The following NRG3 variants were observed in gnomAD, a reference collection of about 807,000 sequenced individuals.
NRG3 encodes the protein neuregulin 3.
In NRG3, 31 loss-of-function variants were observed where a neutral mutation model predicts 66.9. That is an observed-to-expected ratio of 0.46 (90% confidence interval 0.35 to 0.63). NRG3 has a LOEUF of 0.63. NRG3 is among the 20% of genes least tolerant of loss of function. NRG3 has a pLI of 0.00. For missense variants in NRG3, 910 were observed against 878.9 expected (o/e 1.04, Z -0.45); for synonymous variants, 393 against 359.4 (o/e 1.09, Z -1.06).
chr10:81,993,111 G>C (rs1468880763), intron 1 of NRG3, among the ~76,000 whole-genome samples: 1 of 152,094 alleles, frequency 6.6e-6, no homozygotes, highest in Non-Finnish European at 1.5e-5. Flanking sequence ...GACTAAGAAT[G>C]ATTGATATCA....
chr10:82,017,400 C>T (rs1219557835), intron 1 of NRG3, among the ~76,000 whole-genome samples: 6 of 152,122 alleles, frequency 3.9e-5, no homozygotes, highest in South Asian at 2.1e-4. Context: ...AATAAACATA[C>T]GTGTGCATGT....
intron 1 of NRG3, among the ~76,000 whole-genome samples, chr10:82,328,477 A>G (rs999561239): frequency 6.6e-6 from 1 of 152,222 alleles, no homozygotes; most frequent in Admixed American, 6.5e-5. Context: ...TAGCATAGCC[A>G]TCATAATTCA....
At chr10:82,065,762 A>T (rs1417323026) in intron 1 of NRG3, among the ~76,000 whole-genome samples, 1 of 152,182 alleles carries the variant, frequency 6.6e-6, no homozygotes, top group Non-Finnish European at 1.5e-5. Flanking sequence ...AATTTCGCTG[A>T]ACAGATTCAT....
intron 2 of NRG3, among the ~76,000 whole-genome samples, chr10:82,361,219 C>G (rs1235667864): frequency 6.6e-6 from 1 of 152,128 alleles, no homozygotes; most frequent in African/African-American, 2.4e-5. Context: ...AAATGATGTA[C>G]ATATTTAATA....
At chr10:81,972,307 C>T (rs1373986935) in intron 1 of NRG3, among the ~76,000 whole-genome samples, 1 of 152,120 alleles carries the variant, frequency 6.6e-6, no homozygotes, top group Non-Finnish European at 1.5e-5. Context: ...CCAATCAAAA[C>T]TAACCAAGTA....
chr10:82,943,606 C>G (rs1033182048), intron 4 of NRG3, among the ~76,000 whole-genome samples: 2 of 152,212 alleles, frequency 1.3e-5, no homozygotes, highest in African/African-American at 4.8e-5. Flanking sequence ...TGCATTTTCT[C>G]TCATTTTGTT....
intron 2 of NRG3, among the ~76,000 whole-genome samples, chr10:82,634,468 C>T (rs1043722377): frequency 2.6e-5 from 4 of 152,124 alleles, no homozygotes; most frequent in African/African-American, 9.7e-5. Context: ...TTAAAAATAG[C>T]ATGTCTAGTT....
chr10:82,711,896 C>A (rs78430568), intron 2 of NRG3, among the ~76,000 whole-genome samples: 1,644 of 152,256 alleles, frequency 0.011, 30 homozygotes, highest in African/African-American at 0.038. Context: ...TCACACACAC[C>A]TGCAGACACA....
chr10:82,659,379 T>C (rs2052133930), intron 2 of NRG3, among the ~76,000 whole-genome samples: 1 of 152,202 alleles, frequency 6.6e-6, no homozygotes, highest in Non-Finnish European at 1.5e-5. Context: ...TATTCTAGGC[T>C]GGGCATGGTG....
In NRG3 at chr10:82,417,781, G is replaced by A. The variant is rs540267202; in HGVS notation, c.953+58913G>A. Among the ~76,000 whole-genome samples the A allele has an allele frequency of 2.6e-5, 4 of 152,280 alleles. No homozygotes were observed. The South Asian group carries it at 8.3e-4, about 32-fold the overall frequency. ...TATCACCGCGAAGCCCAGCCTCAGC[G>A]AGCAAGGGAAGGAGCTAGAGAGCGG... On this transcript the variant is annotated intron_variant, in intron 2 of 8. Coordinates refer to ENST00000372141, the MANE Select transcript of NRG3 (RefSeq NM_001010848.4).
intron 3 of NRG3, among the ~76,000 whole-genome samples, chr10:82,843,779 G>T (rs983365082): frequency 4.6e-5 from 7 of 152,112 alleles, no homozygotes; most frequent in African/African-American, 1.7e-4. Context: ...AAGTTAAAAA[G>T]TAGCAATATT....
In NRG3 at chr10:82,973,737, C is replaced by T. The variant is rs41293050; in HGVS notation, c.1285-51C>T. On this transcript the variant is annotated intron_variant, in intron 6 of 8. Coordinates refer to ENST00000372141, the MANE Select transcript of NRG3 (RefSeq NM_001010848.4). ...CAATGCTTAGCTCTGGTGTTATAGG[C>T]CCTCCATAATGTATCCTTCGTCTCA... 8.7e-3 allele frequency: 13,896 copies of T among 1,605,960 alleles called. 88 individuals carry two copies. Among genetic ancestry groups the T allele is most frequent in the Non-Finnish European group, 1.0e-2 (11,729 of 1,173,308 alleles).
intron 2 of NRG3, among the ~76,000 whole-genome samples, chr10:82,729,530 G>A (rs34290487): frequency 0.06 from 9,169 of 152,122 alleles, 390 homozygotes; most frequent in Non-Finnish European, 0.091. Context: ...GGAGAACATC[G>A]CTATGCACCC....
intron 2 of NRG3, among the ~76,000 whole-genome samples, chr10:82,421,427 C>A (rs905999367): frequency 6.6e-6 from 1 of 151,794 alleles, no homozygotes; most frequent in Non-Finnish European, 1.5e-5. Flanking sequence ...AAAGTCTATG[C>A]GGCAACAATG....
Position 82,085,082 on chromosome 10 carries a change from C to T in NRG3, c.823+208919C>T, listed in dbSNP as rs1477751467. Among the ~76,000 whole-genome samples, 8 of 152,090 alleles carry T rather than the reference C, an allele frequency of 5.3e-5. No homozygotes were observed. The East Asian group carries it at 9.7e-4, about 18-fold the overall frequency. ...GTCAATGGAAGAGAACCAAAGCACTCGCTATTACAAAGGGGCCTCTAGTGG... is the reference window on the plus strand; with the variant it reads ...GTCAATGGAAGAGAACCAAAGCACTTGCTATTACAAAGGGGCCTCTAGTGG... On this transcript the variant is annotated intron_variant, in intron 1 of 8. Transcript: ENST00000372141.
chr10:81,927,342 A>C (rs1564664108), intron 1 of NRG3, among the ~76,000 whole-genome samples: 1 of 152,136 alleles, frequency 6.6e-6, no homozygotes, highest in Non-Finnish European at 1.5e-5. Context: ...GTCGTAGTCT[A>C]AATATCCACC....
In NRG3 at chr10:82,175,779, T is replaced by C. The variant is rs2072987763; in HGVS notation, c.824-182960T>C. ...GTCAGGTAATCTGTGCATAGAATTATTGGCTAAGTTGCTCATGCCAAAAAA... is the reference window on the plus strand; with the variant it reads ...GTCAGGTAATCTGTGCATAGAATTACTGGCTAAGTTGCTCATGCCAAAAAA... On this transcript the variant is annotated intron_variant, in intron 1 of 8. Coordinates refer to ENST00000372141, the MANE Select transcript of NRG3 (RefSeq NM_001010848.4). Among the ~76,000 whole-genome samples, 4 of 152,184 alleles carry C rather than the reference T, an allele frequency of 2.6e-5. No homozygotes were observed. In the South Asian group the frequency reaches 8.3e-4, roughly 31 times the overall value.
chr10:82,406,504 A>G (rs1374406319), intron 2 of NRG3, among the ~76,000 whole-genome samples: 2 of 152,154 alleles, frequency 1.3e-5, no homozygotes, highest in South Asian at 2.1e-4. Flanking sequence ...CTTCTCCTTC[A>G]GTCACTTCTC....
chr10:82,319,395 A>G (rs891676622), intron 1 of NRG3, among the ~76,000 whole-genome samples: 1 of 152,254 alleles, frequency 6.6e-6, no homozygotes, highest in African/African-American at 2.4e-5. Context: ...TGTTGTATGC[A>G]TAATTTAACT....
Sources: allele counts gnomAD v4.1 joint callset (sites outside exome capture counted in the v4.1 genomes callset), GRCh38; gene constraint gnomAD v4.1.1; transcripts MANE v1.5; gene names NCBI Gene and HGNC (gene_info 2026-07-23, HGNC 2026-07-21).